DIAPH2: variants seen among roughly 807,000 people sequenced by gnomAD.
DIAPH2 encodes diaphanous related formin 2, also known as protein diaphanous homolog 2.
DIAPH2 carries 35 observed loss-of-function variants against 92.7 expected under a neutral mutation model. That is an observed-to-expected ratio of 0.38 (90% CI 0.29 to 0.50). The LOEUF (loss-of-function observed/expected upper bound fraction) is 0.50. DIAPH2 is among the 20% of genes least tolerant of loss of function. DIAPH2 has a pLI of 0.94. For missense variants in DIAPH2, 701 were observed against 819.5 expected (o/e 0.86, Z 1.77); for synonymous variants, 301 against 280.4 (o/e 1.07, Z -0.73).
At chrX:96,695,231 A>G (rs924516792) in intron 1 of DIAPH2, among the ~76,000 whole-genome samples, 5 of 112,431 alleles carry the variant, frequency 4.4e-5, no homozygotes, top group African/African-American at 1.6e-4. Flanking sequence ...AGTTACAGGT[A>G]TGAGCCACAA....
rs746267062 is a variant in DIAPH2, at chrX:96,745,007, C to CT, written c.342+6261dup. ...GGATAACATACTTTGAGGTGTAAAA[C>CT]TTTTTTTTTTTTTTTTGAGATGGAG... On this transcript the variant is annotated intron_variant, in intron 3 of 26. Coordinates refer to ENST00000324765, the MANE Select transcript of DIAPH2 (RefSeq NM_006729.5). Among the ~76,000 whole-genome samples, 247 of 96,509 alleles carry CT rather than the reference C, an allele frequency of 2.6e-3. 1 individual carries two copies. Among genetic ancestry groups the CT allele is most frequent in the African/African-American group, 5.7e-3 (152 of 26,776 alleles). The allele number at this position is 96,509 out of a possible 115,157, so 83.8% of individuals were successfully genotyped here.
intron 25 of DIAPH2, among the ~76,000 whole-genome samples, chrX:97,419,503 T>C (rs1185388813): frequency 8.9e-6 from 1 of 112,159 alleles, no homozygotes; most frequent in African/African-American, 3.2e-5. Flanking sequence ...AAATCATCCT[T>C]AGCACATGTG....
At chrX:97,045,851 T>C (rs1023649293) in intron 17 of DIAPH2, among the ~76,000 whole-genome samples, 63 of 92,759 alleles carry the variant, frequency 6.8e-4, no homozygotes, top group African/African-American at 2.4e-3. Context: ...TTTTAGGATT[T>C]TTTTTTTTTT....
chrX:97,383,775 A>G lies in DIAPH2; in HGVS notation c.3010-134A>G, dbSNP rs1305486922. 7 of 506,162 alleles carry G rather than the reference A, an allele frequency of 1.4e-5. No homozygotes were observed. In the East Asian group the frequency reaches 2.9e-4, roughly 21 times the overall value. The allele number at this position is 506,162 out of a possible 1,213,427, so 41.7% of individuals were successfully genotyped here. A position where few individuals can be genotyped will look rare whatever the true frequency, so the allele number is the denominator to read the frequency against. On this transcript the variant is annotated intron_variant, in intron 24 of 26. Coordinates refer to ENST00000324765, the MANE Select transcript of DIAPH2 (RefSeq NM_006729.5). ...TAAAACTGTGCAATTTCTCCATTATATAAGTAATGGAAAGGTTTTTGTTTA... is the reference window on the plus strand; with the variant it reads ...TAAAACTGTGCAATTTCTCCATTATGTAAGTAATGGAAAGGTTTTTGTTTA...
At position 97,269,748 on chromosome X, in the gene DIAPH2, TTTA is replaced by T. The variant is rs1167060794; in HGVS notation, c.2844+21912_2844+21914del. ...AAGACACAATGAAGGAGATACTATTTTTATTTTTTTTTTTTTTTTTTGAGACAG... is the reference window on the plus strand; with the variant it reads ...AAGACACAATGAAGGAGATACTATTTTTTTTTTTTTTTTTTTTTGAGACAG... On this transcript the variant is annotated intron_variant, in intron 23 of 26. Transcript: ENST00000324765. 7.1e-3 allele frequency among the ~76,000 whole-genome samples: 731 copies of T among 103,312 alleles called. 9 individuals are homozygous for T. The highest frequency in any genetic ancestry group is 0.028 in the African/African-American group (706 of 25,025). The allele number at this position is 103,312 out of a possible 115,157, so 89.7% of individuals were successfully genotyped here.
rs767814414 is a variant in DIAPH2, at chrX:97,488,163, T to C, written c.3241+58418T>C. ...CCTGCACCACCATGCCTAGTTAATTTTGTATTTTTATTAGAGATGGGGTTT... is the reference window on the plus strand; with the variant it reads ...CCTGCACCACCATGCCTAGTTAATTCTGTATTTTTATTAGAGATGGGGTTT... On this transcript the variant is annotated intron_variant, in intron 26 of 26. Transcript: ENST00000324765. Among the ~76,000 whole-genome samples, 10 of 111,361 alleles carry C rather than the reference T, an allele frequency of 9.0e-5. 1 individual carries two copies. In the East Asian group the frequency reaches 2.8e-3, roughly 32 times the overall value.
intron 26 of DIAPH2, among the ~76,000 whole-genome samples, chrX:97,564,752 C>G (rs1278620659): frequency 1.8e-5 from 2 of 111,391 alleles, no homozygotes; most frequent in Non-Finnish European, 3.8e-5. Context: ...AGGGAAGTAC[C>G]ATACATGACT....
intron 4 of DIAPH2, among the ~76,000 whole-genome samples, chrX:96,842,041 C>T (rs1159298839): frequency 4.5e-5 from 5 of 111,011 alleles, no homozygotes; most frequent in African/African-American, 1.3e-4. Flanking sequence ...AGGCAGGAAC[C>T]GGCCATTTTA....
At chrX:97,281,497 C>A (rs1480763775) in intron 23 of DIAPH2, among the ~76,000 whole-genome samples, 2 of 111,222 alleles carry the variant, frequency 1.8e-5, no homozygotes, top group East Asian at 2.8e-4. Context: ...GTAATCCCAG[C>A]ACTTTGGGAG....
chrX:97,509,953 G>A (rs1353735625), intron 26 of DIAPH2, among the ~76,000 whole-genome samples: 2 of 110,716 alleles, frequency 1.8e-5, no homozygotes, highest in East Asian at 5.7e-4. Context: ...ATTGTGAATA[G>A]TGCCGCAATA....
rs1189132418 is a variant in DIAPH2, at chrX:96,837,433, C to CTCTCTGTG, written c.448-44145_448-44144insCTCTGTGT. ...TCTCTCTCTCTCTCTCTCTCTCTCT[C>CTCTCTGTG]TGTGTGTGTGTGTGTGTGTGTGTGT... On this transcript the variant is annotated intron_variant, in intron 4 of 26. Transcript: ENST00000324765. 4.6e-3 allele frequency among the ~76,000 whole-genome samples: 192 copies of CTCTCTGTG among 41,314 alleles called. 1 individual carries two copies. Among genetic ancestry groups the CTCTCTGTG allele is most frequent in the Admixed American group, 0.018 (54 of 3,035 alleles). The allele number at this position is 41,314 out of a possible 115,157, so 35.9% of individuals were successfully genotyped here.
chrX:96,811,547 C>G (rs1484313403), intron 4 of DIAPH2, among the ~76,000 whole-genome samples: 1 of 111,621 alleles, frequency 9.0e-6, no homozygotes, highest in Non-Finnish European at 1.9e-5. Context: ...GCCAGAACTT[C>G]CAACACTATG....
At chrX:97,502,127 G>A (rs2070802920) in intron 26 of DIAPH2, among the ~76,000 whole-genome samples, 1 of 111,968 alleles carries the variant, frequency 8.9e-6, no homozygotes, top group Non-Finnish European at 1.9e-5. Context: ...TTTAAATAGA[G>A]CTCTCCAAAT....
In DIAPH2 at chrX:97,114,837, T is replaced by A; in HGVS notation, c.2461T>A (p.Cys821Ser). ...AAGCATCATAGCAGTAACTCTTGCC[T>A]GTGAAGAACTGAAGAAAAGTGAAAG... ...KPSIIAVTLA[C>S]EELKKSESFN... The change falls in exon 21 of 27, where the codon TGT becomes AGT. Residue 821 changes from cysteine to serine, a missense_variant. Around this residue, in one of 3 missense-constraint regions of DIAPH2, gnomAD observed 536 missense variants for 599.3 expected, o/e 0.89. Transcript: ENST00000324765. The A allele has an allele frequency of 8.3e-7, 1 of 1,211,439 alleles. No homozygotes were observed. The highest frequency in any genetic ancestry group is 1.8e-5 in the South Asian group (1 of 56,889).
chrX:97,060,982 G>A (rs984807547), intron 17 of DIAPH2, among the ~76,000 whole-genome samples: 2 of 86,956 alleles, frequency 2.3e-5, no homozygotes, highest in South Asian at 1.2e-3. Flanking sequence ...ATACACAAAC[G>A]CACACGTGCG....
chrX:96,733,698 G>C (rs1010935367), intron 1 of DIAPH2, among the ~76,000 whole-genome samples: 1 of 111,806 alleles, frequency 8.9e-6, no homozygotes, highest in Non-Finnish European at 1.9e-5. Context: ...CAAGGAGATA[G>C]ATTAGGAAGT....
At chrX:97,249,478 C>T (rs1046963555) in intron 23 of DIAPH2, among the ~76,000 whole-genome samples, 1 of 111,612 alleles carries the variant, frequency 9.0e-6, no homozygotes, top group Non-Finnish European at 1.9e-5. Context: ...GGGGCTGTTA[C>T]TTTGCATATC....
chrX:97,038,312 C>G (rs1274517737), intron 17 of DIAPH2, among the ~76,000 whole-genome samples: 1 of 111,393 alleles, frequency 9.0e-6, no homozygotes, highest in Non-Finnish European at 1.9e-5. Flanking sequence ...GTGAATTGTG[C>G]TGTGATAATC....
intron 17 of DIAPH2, among the ~76,000 whole-genome samples, chrX:96,985,656 G>T (rs1382193421): frequency 9.0e-6 from 1 of 110,862 alleles, no homozygotes; most frequent in African/African-American, 3.3e-5. Flanking sequence ...TCTTTCTTTT[G>T]ATATGTGTAT....
Sources: allele counts gnomAD v4.1 joint callset (sites outside exome capture counted in the v4.1 genomes callset), GRCh38; gene constraint gnomAD v4.1.1; regional missense constraint gnomAD v4.1.1; transcripts MANE v1.5; gene names NCBI Gene and HGNC (gene_info 2026-07-23, HGNC 2026-07-21).